The following CENPE variants were observed in gnomAD, a reference collection of about 807,000 sequenced individuals.
The protein encoded by CENPE is centromere protein E, also known as centromere-associated protein E.
A neutral mutation model predicts 336.1 loss-of-function variants in CENPE; 145 were observed. The ratio of observed to expected loss-of-function variants is 0.43; its 90% CI spans 0.38 to 0.50. CENPE has a LOEUF of 0.50. Ranked by LOEUF, CENPE falls within the 20% of genes least tolerant of loss-of-function variation. CENPE has a pLI of 0.00. For missense variants in CENPE, 2,719 were observed against 3,023.3 expected (o/e 0.90, Z 2.36); for synonymous variants, 1,013 against 984.8 (o/e 1.03, Z -0.54).
chr4:103,121,126 T>C (rs1269456061), intron 43 of CENPE, among the ~76,000 whole-genome samples: 1 of 152,186 alleles, frequency 6.6e-6, no homozygotes, highest in Non-Finnish European at 1.5e-5. Context: ...AGACCCCCAG[T>C]TGACCCTGAA....
At chr4:103,114,614 C>T (rs1749915080) in intron 45 of CENPE, 62 bp from the exon 46 acceptor site, 3 of 1,021,150 alleles carry the variant, frequency 2.9e-6, no homozygotes, top group Non-Finnish European at 3.0e-6. Context: ...GGAGAATAAA[C>T]AGAACTGCTG....
In CENPE at chr4:103,116,591, T is replaced by C; in HGVS notation, c.7428A>G (p.Lys2476=). Residue 2476 remains lysine, a synonymous_variant, in exon 45 of 49, where the codon AAA becomes AAG. Transcript: ENST00000265148. Reference sequence around the variant, plus strand: ...CAAATACGTACTCCTTTTCAAATTCTTTGGCATTTTTCATTTTCTCTAGGT... The same window carrying C: ...CAAATACGTACTCCTTTTCAAATTCCTTGGCATTTTTCATTTTCTCTAGGT... The part of the protein sequence containing the change: ...KIDLEKMKNA[K]EFEKEISATK... 1 of 1,540,798 alleles carries C rather than the reference T, an allele frequency of 6.5e-7. No homozygotes were observed. The highest frequency in any genetic ancestry group is 8.8e-7 in the Non-Finnish European group (1 of 1,135,290).
chr4:103,184,350 G>A (rs540324186), intron 9 of CENPE, among the ~76,000 whole-genome samples: 4 of 152,206 alleles, frequency 2.6e-5, no homozygotes, highest in Non-Finnish European at 5.9e-5. Context: ...AACCATTTAA[G>A]CATTATGAAC....
At chr4:103,148,372 A>C (rs1753243763) in intron 28 of CENPE, among the ~76,000 whole-genome samples, 1 of 152,150 alleles carries the variant, frequency 6.6e-6, no homozygotes, top group East Asian at 1.9e-4. Context: ...TTCTCTTTCC[A>C]TGATAAATTA....
intron 13 of CENPE, among the ~76,000 whole-genome samples, chr4:103,178,770 A>G (rs1482979047): frequency 6.6e-6 from 1 of 151,676 alleles, no homozygotes; most frequent in Admixed American, 6.6e-5. Flanking sequence ...ACTAGGTTTT[A>G]TTCTTAACTG....
Position 103,139,798 on chromosome 4 carries a change from C to A in CENPE, c.6195G>T (p.Met2065Ile). ...RDQFIATLRE[M>I]IARDRQNHQV... ...AAGACTCTGAACTCACTCTAGCTAT[C>A]ATTTCCCTTAAGGTTGCTATGAATT... Residue 2065 changes from methionine to isoleucine, a missense_variant, in exon 38 of 49, where the codon ATG becomes ATT. By Grantham distance (10) the Met-to-Ile change is conservative (BLOSUM62 1). Transcript: ENST00000265148. The A allele has an allele frequency of 2.5e-6, 4 of 1,605,062 alleles. No homozygotes were observed. Among genetic ancestry groups the A allele is most frequent in the Non-Finnish European group, 3.4e-6 (4 of 1,176,682 alleles).
At chr4:103,191,715 A>T (rs1369195012) in intron 8 of CENPE, among the ~76,000 whole-genome samples, 3 of 152,106 alleles carry the variant, frequency 2.0e-5, no homozygotes, top group Non-Finnish European at 2.9e-5. Flanking sequence ...TAATGGGTGC[A>T]GTATACCAAC....
At chr4:103,166,508 A>T (rs1754932494) in intron 16 of CENPE, among the ~76,000 whole-genome samples, 1 of 152,230 alleles carries the variant, frequency 6.6e-6, no homozygotes, top group African/African-American at 2.4e-5. Flanking sequence ...GAGAACTTAT[A>T]GACTTTTACC....
In CENPE at chr4:103,132,873, T is replaced by C; in HGVS notation, c.6744A>G (p.Glu2248=). The change falls in exon 42 of 49, where the codon GAA becomes GAG. Residue 2248 remains glutamate (E), a synonymous_variant. Coordinates refer to ENST00000265148, the MANE Select transcript of CENPE (RefSeq NM_001813.3). ...CAGTCTTTATGCTAGGGAACTCACTTTCTGAGAAATCTTTGAGAATTTCCT... is the reference window on the plus strand; with the variant it reads ...CAGTCTTTATGCTAGGGAACTCACTCTCTGAGAAATCTTTGAGAATTTCCT... ...HIEEILKDFS[E]SEFPSIKTEF... is the part of the protein sequence containing the mutation. The C allele has an allele frequency of 6.8e-7, 1 of 1,460,868 alleles. No homozygotes were observed. The highest frequency in any genetic ancestry group is 1.6e-5 in the South Asian group (1 of 61,800). 90.5% of individuals were successfully genotyped at this position (1,460,868 alleles called of 1,614,324 possible). A position where few individuals can be genotyped will look rare whatever the true frequency, so the allele number is the denominator to read the frequency against.
chr4:103,141,913 AC>A lies in CENPE; in HGVS notation c.5305-6del. On this transcript the variant is annotated splice_region_variant and splice_polypyrimidine_tract_variant and intron_variant, in intron 34 of 48. Coordinates refer to ENST00000265148, the MANE Select transcript of CENPE (RefSeq NM_001813.3). Reference sequence around the variant, plus strand: ...TTCCTCTTGTATTTTCAGATCCTTTACCATTAGAGAAATTTTAAAAACAGTG... The same window carrying A: ...TTCCTCTTGTATTTTCAGATCCTTTACATTAGAGAAATTTTAAAAACAGTG... 6.4e-7 allele frequency: 1 copy of A among 1,558,366 alleles called. No homozygotes were observed. The highest frequency in any genetic ancestry group is 8.7e-7 in the Non-Finnish European group (1 of 1,147,828).
At chr4:103,182,982 C>A in intron 10 of CENPE, 91 bp from the exon 11 acceptor site, 1 of 1,304,114 alleles carries the variant, frequency 7.7e-7, no homozygotes, top group Non-Finnish European at 1.1e-6. Flanking sequence ...TTAAATCAGC[C>A]AGAGTTTCAA....
rs557242436 is a variant in CENPE at position 103,158,693 on chromosome 4, T to C, written c.2795A>G (p.Asp932Gly). The change falls in exon 23 of 49, where the codon GAT becomes GGT. Residue 932 changes from aspartate (D) to glycine (G), a missense_variant. By Grantham distance (94) the Asp-to-Gly change is moderately conservative. Coordinates refer to ENST00000265148, the MANE Select transcript of CENPE (RefSeq NM_001813.3). ...EEVKTLTQEK[D>G]DLKQLQESLQ... ...GCTTTCTTGGAGTTGTTTTAGATCA[T>C]CTTTTTCTTGAGTTAAAGTTTTTAC... is the stretch of plus-strand genomic sequence containing the variant. The C allele has an allele frequency of 1.4e-4, 223 of 1,612,712 alleles. 3 individuals are homozygous for C. The South Asian group carries it at 2.2e-3, about 16-fold the overall frequency.
At chr4:103,176,833 A>T (rs961213113) in intron 14 of CENPE, 66 bp downstream of exon 14, 1 of 1,250,726 alleles carries the variant, frequency 8.0e-7, no homozygotes, top group African/African-American at 1.5e-5. Context: ...TGAGCTATAA[A>T]CATAGTTTCT....
Position 103,153,082 on chromosome 4 carries a change from G to A in CENPE, c.3202C>T (p.Gln1068Ter). Residue 1068 changes from glutamine (Q) to a stop codon, truncating the protein, a stop_gained, in exon 25 of 49, where the codon CAA (glutamine) becomes TAA (stop). Coordinates refer to ENST00000265148, the MANE Select transcript of CENPE (RefSeq NM_001813.3). LOFTEE classifies it high-confidence loss of function. ...TTTTCCTTTAGGTCAGTCTTCAATT[G>A]TTCCTTTTCTGCTATAACACTCTCT... Reference protein sequence around the residue: ...MLESVIAEKEQLKTDLKENIE... With the variant: ...MLESVIAEKE 6.2e-7 allele frequency: 1 copy of A among 1,612,852 alleles called. No homozygotes were observed. Among genetic ancestry groups the A allele is most frequent in the African/African-American group, 1.3e-5 (1 of 74,962 alleles).
At position 103,106,429 on chromosome 4, in the gene CENPE, G is replaced by A. The variant is rs1484895639; in HGVS notation, c.8012-113C>T. The A allele has an allele frequency of 6.1e-6, 4 of 661,130 alleles. No homozygotes were observed. The East Asian group carries it at 1.2e-4, about 19-fold the overall frequency. The allele number at this position is 661,130 out of a possible 1,614,324, so 41.0% of individuals were successfully genotyped here. A position where few individuals can be genotyped will look rare whatever the true frequency, so the allele number is the denominator to read the frequency against. On this transcript the variant is annotated intron_variant, in intron 48 of 48. Coordinates refer to ENST00000265148, the MANE Select transcript of CENPE (RefSeq NM_001813.3). ...AGGAGAGATGTGAAGAATGAAAAAT[G>A]GCAACGTGATTCACCGTGTTTGGTC...
At chr4:103,127,048 A>T (rs1299472907) in intron 42 of CENPE, among the ~76,000 whole-genome samples, 5 of 151,336 alleles carry the variant, frequency 3.3e-5, no homozygotes, top group Non-Finnish European at 5.9e-5. Context: ...TTAACAACGT[A>T]CACCAAACCA....
At chr4:103,146,939 C>T (rs536068159) in intron 29 of CENPE, among the ~76,000 whole-genome samples, 2 of 152,078 alleles carry the variant, frequency 1.3e-5, no homozygotes, top group East Asian at 1.9e-4. Flanking sequence ...GACTGGATTA[C>T]AGAATAAGCA....
At chr4:103,124,796 C>A (rs1750951253) in intron 42 of CENPE, among the ~76,000 whole-genome samples, 1 of 152,146 alleles carries the variant, frequency 6.6e-6, no homozygotes, top group Non-Finnish European at 1.5e-5. Context: ...TTCTACCAGG[C>A]TTTGTGGTCA....
chr4:103,191,523 T>C (rs1427110317), intron 8 of CENPE, among the ~76,000 whole-genome samples: 2 of 151,922 alleles, frequency 1.3e-5, no homozygotes, highest in Admixed American at 6.6e-5. Flanking sequence ...CTGGAAACCA[T>C]CATTCTCAGC....
Sources: gnomAD v4.1 joint callset for allele counts (sites outside exome capture counted in the v4.1 genomes callset) on GRCh38, gnomAD v4.1.1 for gene constraint, MANE v1.5 for transcripts, NCBI Gene and HGNC (gene_info 2026-07-23, HGNC 2026-07-21) for gene names.